The following EEA1 variants were observed in gnomAD, a reference collection of about 807,000 sequenced individuals.
EEA1 encodes early endosome antigen 1, 162kD.
In EEA1, 111 loss-of-function variants were observed where a neutral mutation model predicts 209.2. That is an observed-to-expected ratio of 0.53 (90% CI 0.45 to 0.62). The LOEUF (loss-of-function observed/expected upper bound fraction) is 0.62, where lower values mean the gene tolerates loss of function less well. Among genes scored for constraint, EEA1 ranks in the 20% least tolerant of loss-of-function variants. EEA1 has a pLI of 0.00. For synonymous variants in EEA1, 536 were observed against 540.6 expected (o/e 0.99, Z 0.12); for missense variants, 1,343 against 1,530.8 (o/e 0.88, Z 2.05).
intron 5 of EEA1, among the ~76,000 whole-genome samples, chr12:92,856,961 A>G (rs947765135): frequency 1.3e-5 from 2 of 151,724 alleles, no homozygotes; most frequent in African/African-American, 4.8e-5. Flanking sequence ...TTGTAGAGAC[A>G]GGGGTCTCCC....
chr12:92,923,143 C>T (rs575881429), intron 1 of EEA1, among the ~76,000 whole-genome samples: 65 of 151,906 alleles, frequency 4.3e-4, no homozygotes, highest in African/African-American at 1.6e-3. Context: ...GTCAGGAGAT[C>T]GAGACCATCC....
rs959889091 is a variant in EEA1 at position 92,889,553 on chromosome 12, C to CA, written c.117+2075dup. Among the ~76,000 whole-genome samples, 8 of 144,700 alleles carry CA rather than the reference C, an allele frequency of 5.5e-5. No homozygotes were observed. The South Asian group carries it at 1.1e-3, about 20-fold the overall frequency. The allele number at this position is 144,700 out of a possible 152,430, so 94.9% of individuals were successfully genotyped here. On this transcript the variant is annotated intron_variant, in intron 2 of 28. Coordinates refer to ENST00000322349, the MANE Select transcript of EEA1 (RefSeq NM_003566.4). ...TGCAAAAAAAAAAAAAAGAACAAAC[C>CA]AAAAAAAAACCCCCACCTAAAACAA... is the stretch of plus-strand genomic sequence containing the variant.
intron 20 of EEA1, among the ~76,000 whole-genome samples, chr12:92,801,276 A>C (rs554678350): frequency 1.3e-5 from 2 of 152,120 alleles, no homozygotes; most frequent in East Asian, 3.9e-4. Context: ...ATGGTCCTTA[A>C]CCCTGTAGTT....
chr12:92,891,891 A>C (rs1180102143), intron 1 of EEA1, among the ~76,000 whole-genome samples, 170 bp from the exon 2 acceptor site: 1 of 152,124 alleles, frequency 6.6e-6, no homozygotes, highest in Non-Finnish European at 1.5e-5. Flanking sequence ...CTGTATCAAA[A>C]TCTCTATATA....
intron 8 of EEA1, 58 bp from the exon 9 acceptor site, chr12:92,851,324 T>C: frequency 2.0e-6 from 3 of 1,493,664 alleles, no homozygotes; most frequent in Admixed American, 2.1e-5. Context: ...TAATACACAT[T>C]TTTAGAATCA....
At chr12:92,906,608 C>G (rs995059283) in intron 1 of EEA1, among the ~76,000 whole-genome samples, 5 of 152,030 alleles carry the variant, frequency 3.3e-5, no homozygotes, top group African/African-American at 9.7e-5. Context: ...GTCAGGAGAT[C>G]GAGACCATCC....
At chr12:92,803,646 C>A (rs1268234314) in intron 18 of EEA1, among the ~76,000 whole-genome samples, 1 of 151,910 alleles carries the variant, frequency 6.6e-6, no homozygotes, top group Non-Finnish European at 1.5e-5. Context: ...AATACAATAT[C>A]AAAACTGTAT....
intron 2 of EEA1, among the ~76,000 whole-genome samples, chr12:92,872,028 G>A (rs563295054): frequency 3.3e-4 from 50 of 150,300 alleles, no homozygotes; most frequent in Admixed American, 1.2e-3. Flanking sequence ...CTACAGGCGC[G>A]TACCACCAGG....
intron 10 of EEA1, among the ~76,000 whole-genome samples, chr12:92,835,072 G>C (rs140919739): frequency 0.019 from 2,817 of 151,188 alleles, 95 homozygotes; most frequent in African/African-American, 0.064. Flanking sequence ...TAGTAGAGAC[G>C]GGGTTTCACC....
chr12:92,858,583 C>G, intron 3 of EEA1: 1 of 749,124 alleles, frequency 1.3e-6, no homozygotes, highest in South Asian at 1.4e-5. Flanking sequence ...ACTGGCAGAA[C>G]TACGCCATAA....
intron 6 of EEA1, among the ~76,000 whole-genome samples, chr12:92,853,479 C>T (rs954635489): frequency 1.3e-5 from 2 of 151,850 alleles, no homozygotes; most frequent in African/African-American, 4.8e-5. Context: ...AAGCCTGGCT[C>T]AAAAAGGAAA....
chr12:92,852,925 A>C lies in EEA1; in HGVS notation c.507T>G (p.Ala169=), dbSNP rs751386850. Residue 169 remains alanine (A), a synonymous_variant, in exon 7 of 29, where the codon GCT becomes GCG. Coordinates refer to ENST00000322349, the MANE Select transcript of EEA1 (RefSeq NM_003566.4). Reference sequence around the variant, plus strand: ...AACTCAATTTACCTGCAATTTCAGTAGCAAGTTGGGCTGCTTTCTGTTCAA... The same window carrying C: ...AACTCAATTTACCTGCAATTTCAGTCGCAAGTTGGGCTGCTTTCTGTTCAA... ...DLFEQKAAQL[A]TEIADIKSKY... 6.2e-7 allele frequency: 1 copy of C among 1,608,588 alleles called. No individual in the cohort carries two copies. Among genetic ancestry groups the C allele is most frequent in the Non-Finnish European group, 8.5e-7 (1 of 1,178,080 alleles).
chr12:92,863,213 A>G (rs917306584), intron 3 of EEA1, among the ~76,000 whole-genome samples: 4 of 152,232 alleles, frequency 2.6e-5, no homozygotes, highest in African/African-American at 7.2e-5. Context: ...GATGACTACA[A>G]TCAAGTTCTT....
intron 1 of EEA1, among the ~76,000 whole-genome samples, chr12:92,903,872 T>C (rs577805890): frequency 6.6e-6 from 1 of 152,136 alleles, no homozygotes; most frequent in African/African-American, 2.4e-5. Context: ...ACTGAATAGA[T>C]GAGATTTGTG....
chr12:92,838,386 A>G (rs1442252885), intron 10 of EEA1, among the ~76,000 whole-genome samples: 2 of 152,178 alleles, frequency 1.3e-5, no homozygotes, highest in Non-Finnish European at 2.9e-5. Flanking sequence ...GCTACTCTAC[A>G]TATCCTGGTC....
intron 11 of EEA1, among the ~76,000 whole-genome samples, 181 bp from the exon 12 acceptor site, chr12:92,828,242 TATTA>T (rs1385227724): frequency 6.6e-6 from 1 of 151,960 alleles, no homozygotes; most frequent in Non-Finnish European, 1.5e-5. Flanking sequence ...TTTAATCATA[TATTA>T]TAATGAATCA....
At position 92,896,486 on chromosome 12, in the gene EEA1, T is replaced by C. The variant is rs1046623093; in HGVS notation, c.25-4765A>G. Among the ~76,000 whole-genome samples the C allele has an allele frequency of 2.4e-4, 37 of 152,216 alleles. 1 individual carries two copies. The highest frequency in any genetic ancestry group is 2.4e-3 in the Admixed American group (37 of 15,272). On this transcript the variant is annotated intron_variant, in intron 1 of 28. Coordinates refer to ENST00000322349, the MANE Select transcript of EEA1 (RefSeq NM_003566.4). ...TTGACTCAAGTTTTGAAGGAAGTTCTACTGTGGGTAAGATGCTATCAAACA... is the reference window on the plus strand; with the variant it reads ...TTGACTCAAGTTTTGAAGGAAGTTCCACTGTGGGTAAGATGCTATCAAACA...
In EEA1 at chr12:92,929,101, C is replaced by T; in HGVS notation, c.-35G>A. ...ACCACCCGGCGCCGCCGCGGTGACT[C>T]TCCAGACCCTGCGCGGGGCCACTCA... On this transcript the variant is annotated 5_prime_UTR_variant, in exon 1 of 29. Transcript: ENST00000322349. 2.5e-6 allele frequency: 4 copies of T among 1,573,328 alleles called. No homozygotes were observed. The South Asian group carries it at 4.6e-5, about 18-fold the overall frequency.
chr12:92,885,622 A>AGCACCTCTCTAATGTTCCCCAGTTAACG (rs1232262804), intron 2 of EEA1, among the ~76,000 whole-genome samples: 10 of 152,314 alleles, frequency 6.6e-5, no homozygotes, highest in East Asian at 3.8e-4. Context: ...CCCAGTTAAC[A>AGCACCTCTCTAATGTTCCCCAGTTAACG]GCACCTCTCT....
Sources: allele counts gnomAD v4.1 joint callset (sites outside exome capture counted in the v4.1 genomes callset), GRCh38; gene constraint gnomAD v4.1.1; transcripts MANE v1.5; gene names NCBI Gene and HGNC (gene_info 2026-07-23, HGNC 2026-07-21).